The following SUN5 variants were observed in gnomAD, a reference collection of about 807,000 sequenced individuals.
The protein encoded by SUN5 is SUN domain-containing protein 5.
A neutral mutation model predicts 53.7 loss-of-function variants in SUN5; 44 were observed. The observed-to-expected ratio is 0.82, with a 90% CI of 0.64 to 1.05. The LOEUF is 1.05. Ranked by LOEUF, SUN5 falls within the 50% of genes least tolerant of loss-of-function variation. The pLI, the probability that SUN5 is intolerant of heterozygous loss-of-function variation, is 0.00. For synonymous variants in SUN5, 166 were observed against 179.8 expected (o/e 0.92, Z 0.62); for missense variants, 433 against 483.8 (o/e 0.90, Z 0.98).
At chr20:32,996,290 G>T (rs1044236532) in intron 7 of SUN5, 34 bp downstream of exon 7, 2 of 1,608,698 alleles carry the variant, frequency 1.2e-6, no homozygotes, top group Non-Finnish European at 1.7e-6. Context: ...TGCTTTTTAG[G>T]TAATAATATG....
At chr20:32,990,051 G>T (rs34352286) in intron 8 of SUN5, among the ~76,000 whole-genome samples, 18,297 of 152,174 alleles carry the variant, frequency 0.12, 1,502 homozygotes, top group Non-Finnish European at 0.17. Context: ...TGTAAGACGG[G>T]GACAATAATC....
Position 32,989,595 on chromosome 20 carries a change from G to A in SUN5, c.613+25C>T, listed in dbSNP as rs1208325024. On this transcript the variant is annotated intron_variant, in intron 9 of 12. Coordinates refer to ENST00000356173, the MANE Select transcript of SUN5 (RefSeq NM_080675.4). ...CTTCCCAGGACACTTGAGGCAGTCA[G>A]ATGGTGGGGAAGGGGGTCACCTACC... The A allele has an allele frequency of 5.6e-6, 9 of 1,608,754 alleles. No homozygotes were observed. The South Asian group carries it at 9.9e-5, about 18-fold the overall frequency.
At chr20:32,989,523 C>T (rs908143147) in intron 9 of SUN5, 97 bp downstream of exon 9, 16 of 1,038,762 alleles carry the variant, frequency 1.5e-5, no homozygotes, top group African/African-American at 1.4e-4. Flanking sequence ...AACTTCCCAG[C>T]GGCAGAGGGA....
In SUN5 at chr20:32,985,786, T is replaced by A; in HGVS notation, c.847A>T (p.Ile283Phe). ...NLTLQHIPKTISLSGSLDTAP... is the reference protein window; with the variant it reads ...NLTLQHIPKTFSLSGSLDTAP... The stretch of plus-strand genomic sequence containing the variant: ...GTGTCCAGGCTGCCTGACAATGAGA[T>A]GGTCTTGGGGATGTGCTGCAGCGTG... The change falls in exon 11 of 13, where the codon ATC becomes TTC. Residue 283 changes from isoleucine (I) to phenylalanine (F), a missense_variant. Ile to Phe is a conservative substitution (Grantham distance 21). Transcript: ENST00000356173. 1 of 1,614,072 alleles carries A rather than the reference T, an allele frequency of 6.2e-7. No homozygotes were observed. Among genetic ancestry groups the A allele is most frequent in the South Asian group, 1.1e-5 (1 of 91,082 alleles).
intron 3 of SUN5, among the ~76,000 whole-genome samples, chr20:33,001,638 TTTTCCTC>T (rs1990039925): frequency 9.7e-6 from 1 of 102,752 alleles, no homozygotes; most frequent in African/African-American, 3.9e-5. Flanking sequence ...TCTTTCTTTC[TTTTCCTC>T]CCTCCCTCCC....
chr20:32,997,761 T>A, intron 5 of SUN5, 74 bp from the exon 6 acceptor site: 1 of 1,559,200 alleles, frequency 6.4e-7, no homozygotes, highest in Non-Finnish European at 8.8e-7. Flanking sequence ...AGTTAGGACA[T>A]CTGGGTTCAA....
chr20:32,999,647 C>T (rs1421327357), intron 5 of SUN5, among the ~76,000 whole-genome samples: 3 of 152,126 alleles, frequency 2.0e-5, no homozygotes, highest in South Asian at 2.1e-4. Flanking sequence ...TAAAGTGGGA[C>T]GGTTCTCTAG....
At chr20:32,986,890 C>A (rs182194164) in intron 10 of SUN5, among the ~76,000 whole-genome samples, 1 of 152,204 alleles carries the variant, frequency 6.6e-6, no homozygotes, top group Non-Finnish European at 1.5e-5. Flanking sequence ...TATCTGCCTG[C>A]GGATCTGCTA....
rs752251824 is a variant in SUN5, at chr20:32,985,774, C to T, written c.859G>A (p.Gly287Ser). Reference sequence around the variant, plus strand: ...TCCTTGGGGGCGGTGTCCAGGCTGCCTGACAATGAGATGGTCTTGGGGATG... The same window carrying T: ...TCCTTGGGGGCGGTGTCCAGGCTGCTTGACAATGAGATGGTCTTGGGGATG... ...QHIPKTISLSGSLDTAPKDFV... is the reference protein window; with the variant it reads ...QHIPKTISLSSSLDTAPKDFV... Residue 287 changes from glycine to serine, a missense_variant, in exon 11 of 13, where the codon GGC becomes AGC. Gly to Ser is a moderately conservative substitution (Grantham distance 56). Coordinates refer to ENST00000356173, the MANE Select transcript of SUN5 (RefSeq NM_080675.4). 1 of 1,614,100 alleles carries T rather than the reference C, an allele frequency of 6.2e-7. No homozygotes were observed.
At chr20:32,991,846 C>A (rs1334025418) in intron 8 of SUN5, among the ~76,000 whole-genome samples, 2 of 152,186 alleles carry the variant, frequency 1.3e-5, no homozygotes, top group African/African-American at 4.8e-5. Context: ...TAGTTTCTCC[C>A]AACACTCCAT....
At position 33,002,435 on chromosome 20, in the gene SUN5, G is replaced by A. The variant is rs568114571; in HGVS notation, c.211+152C>T. On this transcript the variant is annotated intron_variant, in intron 3 of 12. Transcript: ENST00000356173. ...AGACTTTGGCAGGAATGATACCTCC[G>A]ATGGGTAGAACTCCAGAGTTCAACC... 2.8e-3 allele frequency: 1,987 copies of A among 709,952 alleles called. 5 individuals are homozygous for A. The highest frequency in any genetic ancestry group is 4.0e-3 in the Non-Finnish European group (1,608 of 405,070). The allele number at this position is 709,952 out of a possible 1,614,324, so 44.0% of individuals were successfully genotyped here.
chr20:33,001,566 T>TTTCTTTCTTTCTTTCTTTTCTTC (rs1568970962), intron 3 of SUN5, among the ~76,000 whole-genome samples: 2 of 45,634 alleles, frequency 4.4e-5, no homozygotes, highest in Non-Finnish European at 9.0e-5. Context: ...TTCTTTCTTT[T>TTTCTTTCTTTCTTTCTTTTCTTC]CTTCCTTCCT....
chr20:32,996,645 C>T (rs1989858662), intron 6 of SUN5, among the ~76,000 whole-genome samples: 1 of 148,242 alleles, frequency 6.7e-6, no homozygotes, highest in South Asian at 2.2e-4. Context: ...CAACTTCCCC[C>T]ATCTATTTAC....
In SUN5 at chr20:32,987,580, C is replaced by T. The variant is rs1350380512; in HGVS notation, c.729+80G>A. 9 of 882,664 alleles carry T rather than the reference C, an allele frequency of 1.0e-5. No individual in the cohort carries two copies. In the East Asian group the frequency reaches 3.2e-4, roughly 31 times the overall value. 54.7% of individuals were successfully genotyped at this position (882,664 alleles called of 1,614,324 possible). A position where few individuals can be genotyped will look rare whatever the true frequency, so the allele number is the denominator to read the frequency against. On this transcript the variant is annotated intron_variant, in intron 10 of 12. Coordinates refer to ENST00000356173, the MANE Select transcript of SUN5 (RefSeq NM_080675.4). The stretch of plus-strand genomic sequence containing the variant: ...CCACTCCCTTTGCTCCCACCCCCTA[C>T]CTCTTCTGCCAGCTCCTGTCCCCAA...
In SUN5 at chr20:32,987,651, C is replaced by A. The variant is rs751001803; in HGVS notation, c.729+9G>T. ...CTGCCGCTGTCCCATCTCCCGCCAT[C>A]CCCCCTGCCTCAAGGATCACGTCTG... On this transcript the variant is annotated intron_variant, in intron 10 of 12. Coordinates refer to ENST00000356173, the MANE Select transcript of SUN5 (RefSeq NM_080675.4). 3.8e-6 allele frequency: 6 copies of A among 1,584,922 alleles called. No homozygotes were observed. The East Asian group carries it at 9.1e-5, about 24-fold the overall frequency.
At chr20:32,985,588 C>A in intron 11 of SUN5, 148 bp downstream of exon 11, 1 of 961,484 alleles carries the variant, frequency 1.0e-6, no homozygotes, top group South Asian at 1.8e-5. Context: ...TGGACCCCAG[C>A]GCTGGCCACT....
chr20:32,984,620 C>T (rs770416857), intron 12 of SUN5, among the ~76,000 whole-genome samples: 22 of 152,190 alleles, frequency 1.4e-4, no homozygotes, highest in Non-Finnish European at 1.9e-4. Flanking sequence ...GGTTTGATTC[C>T]CAAGCCTGAA....
intron 9 of SUN5, 26 bp downstream of exon 9, chr20:32,989,594 A>C: frequency 6.2e-7 from 1 of 1,608,410 alleles, no homozygotes. Flanking sequence ...TGAGGCAGTC[A>C]GATGGTGGGG....
chr20:32,984,550 G>T (rs1341444136), intron 12 of SUN5, among the ~76,000 whole-genome samples: 1 of 152,218 alleles, frequency 6.6e-6, no homozygotes, highest in African/African-American at 2.4e-5. Flanking sequence ...CTCCAGAGAA[G>T]CAGGGCTTGG....
Sources: allele counts gnomAD v4.1 joint callset (sites outside exome capture counted in the v4.1 genomes callset), GRCh38; gene constraint gnomAD v4.1.1; transcripts MANE v1.5; gene names NCBI Gene and HGNC (gene_info 2026-07-23, HGNC 2026-07-21).